KALRN: variants seen among roughly 807,000 people sequenced by gnomAD.
KALRN encodes kalirin RhoGEF kinase.
KALRN carries 70 observed loss-of-function variants against 353.7 expected under a neutral mutation model. That is an observed-to-expected ratio of 0.20 (90% CI 0.16 to 0.24). The LOEUF (loss-of-function observed/expected upper bound fraction) is 0.24. Among genes scored for constraint, KALRN ranks in the 10% least tolerant of loss-of-function variants. The probability of loss-of-function intolerance (pLI) is 1.00; values close to 1 mark genes in which losing one functional copy is unlikely to be tolerated. For synonymous variants in KALRN, 1,391 were observed against 1,434.8 expected (o/e 0.97, Z 0.69); for missense variants, 2,791 against 3,756.7 (o/e 0.74, Z 6.72).
At chr3:124,115,930 T>C (rs541832311) in intron 1 of KALRN, among the ~76,000 whole-genome samples, 1 of 152,328 alleles carries the variant, frequency 6.6e-6, no homozygotes, top group South Asian at 2.1e-4. Context: ...AAAATGGGGA[T>C]GCATTTTTAA....
chr3:124,479,617 A>T (rs1410275878), intron 27 of KALRN, among the ~76,000 whole-genome samples: 1 of 152,182 alleles, frequency 6.6e-6, no homozygotes, highest in East Asian at 1.9e-4. Flanking sequence ...TATAAATGAG[A>T]TAAACCCTTA....
At chr3:124,190,336 T>A (rs1035869328) in intron 1 of KALRN, among the ~76,000 whole-genome samples, 12 of 152,130 alleles carry the variant, frequency 7.9e-5, no homozygotes, top group African/African-American at 2.9e-4. Context: ...CTGAGCACCA[T>A]CATTTATCCT....
At chr3:124,633,495 C>T (rs1039591984) in intron 35 of KALRN, among the ~76,000 whole-genome samples, 1 of 152,188 alleles carries the variant, frequency 6.6e-6, no homozygotes, top group South Asian at 2.1e-4. Flanking sequence ...CTGGAAATGG[C>T]AGCTAAGCCT....
chr3:124,614,878 C>T (rs2149599111), intron 34 of KALRN, among the ~76,000 whole-genome samples: 1 of 152,324 alleles, frequency 6.6e-6, no homozygotes, highest in East Asian at 1.9e-4. Flanking sequence ...AGCTAACCAC[C>T]TTCATTATAC....
At chr3:124,234,302 A>G (rs1001399896) in intron 2 of KALRN, among the ~76,000 whole-genome samples, 3 of 152,120 alleles carry the variant, frequency 2.0e-5, no homozygotes. Context: ...TGTTTTTTCT[A>G]TGAATCTGAA....
chr3:124,370,612 G>A (rs2085708482), intron 10 of KALRN, among the ~76,000 whole-genome samples: 1 of 152,150 alleles, frequency 6.6e-6, no homozygotes. Flanking sequence ...CTTTGATTGT[G>A]TTTGTCTTCA....
intron 34 of KALRN, among the ~76,000 whole-genome samples, chr3:124,603,159 T>C (rs1406768585): frequency 3.9e-5 from 6 of 152,180 alleles, no homozygotes; most frequent in Non-Finnish European, 7.3e-5. Flanking sequence ...ACACAGACTT[T>C]TATACCCTAA....
At chr3:124,661,311 G>A (rs1258563494) in intron 44 of KALRN, among the ~76,000 whole-genome samples, 3 of 152,164 alleles carry the variant, frequency 2.0e-5, no homozygotes, top group Non-Finnish European at 2.9e-5. Context: ...AATTTTATTC[G>A]TGAAGGCAAG....
chr3:124,434,801 T>A (rs2093406014), intron 17 of KALRN, among the ~76,000 whole-genome samples: 1 of 152,254 alleles, frequency 6.6e-6, no homozygotes, highest in African/African-American at 2.4e-5. Context: ...ATGCTAGATT[T>A]GGGCAGTATA....
At chr3:124,440,736 C>A (rs1444001282) in intron 18 of KALRN, among the ~76,000 whole-genome samples, 1 of 151,704 alleles carries the variant, frequency 6.6e-6, no homozygotes, top group Non-Finnish European at 1.5e-5. Context: ...AATAAAATTT[C>A]AGTTTATCTA....
At chr3:124,095,503 G>A (rs116314821) in intron 1 of KALRN, among the ~76,000 whole-genome samples, 100 of 152,232 alleles carry the variant, frequency 6.6e-4, no homozygotes, top group African/African-American at 2.2e-3. Context: ...TCCTCCCTAT[G>A]CACCTCTTAG....
At chr3:124,714,828 C>A (rs1046930959) in intron 58 of KALRN, among the ~76,000 whole-genome samples, 1 of 152,106 alleles carries the variant, frequency 6.6e-6, no homozygotes, top group African/African-American at 2.4e-5. Context: ...CCAGCCTCGC[C>A]AACATGGTGA....
intron 45 of KALRN, among the ~76,000 whole-genome samples, chr3:124,663,731 T>A (rs1310707832): frequency 6.6e-6 from 1 of 152,106 alleles, no homozygotes; most frequent in Non-Finnish European, 1.5e-5. Flanking sequence ...CAGAAATAAA[T>A]GGCTTGTTTT....
chr3:124,466,871 A>T (rs568426645), intron 25 of KALRN, among the ~76,000 whole-genome samples: 1 of 152,350 alleles, frequency 6.6e-6, no homozygotes, highest in East Asian at 1.9e-4. Flanking sequence ...ATTCATAGTG[A>T]AACAGCTTCC....
At chr3:124,708,257 G>GA (rs1451475626) in intron 57 of KALRN, among the ~76,000 whole-genome samples, 1 of 152,074 alleles carries the variant, frequency 6.6e-6, no homozygotes, top group Admixed American at 6.6e-5. Context: ...ACAAAAAGCA[G>GA]AAAAAACTTA....
intron 9 of KALRN, among the ~76,000 whole-genome samples, chr3:124,336,055 C>G (rs1467296219): frequency 6.6e-6 from 1 of 152,082 alleles, no homozygotes. Context: ...CTGTGACACT[C>G]TCTGAATAGG....
At chr3:124,589,884 A>AT (rs1255880288) in intron 34 of KALRN, among the ~76,000 whole-genome samples, 2 of 152,200 alleles carry the variant, frequency 1.3e-5, no homozygotes, top group Admixed American at 6.5e-5. Context: ...CAAATACAGT[A>AT]TTTTTTGTCA....
At chr3:124,064,951 C>A (rs551073367) in intron 1 of KALRN, among the ~76,000 whole-genome samples, 2 of 152,170 alleles carry the variant, frequency 1.3e-5, no homozygotes, top group Admixed American at 6.5e-5. Context: ...GCTTGCCCTC[C>A]GTTCCCCCTT....
At chr3:124,164,669 T>C (rs2070523490) in intron 1 of KALRN, 1 of 152,208 alleles carries the variant, frequency 6.6e-6, no homozygotes, top group Non-Finnish European at 1.5e-5. Context: ...AATAAAGTTA[T>C]ATTTGCTAAA....
Sources: gnomAD v4.1 joint callset for allele counts (sites outside exome capture counted in the v4.1 genomes callset) on GRCh38, gnomAD v4.1.1 for gene constraint, MANE v1.5 for transcripts, NCBI Gene and HGNC (gene_info 2026-07-23, HGNC 2026-07-21) for gene names.